WNT7A: variants seen among roughly 807,000 people sequenced by gnomAD.
The protein encoded by WNT7A is Wnt family member 7A.
Under a neutral mutation model 28.2 loss-of-function variants are expected in WNT7A, and 16 were observed. That is an observed-to-expected ratio of 0.57 (90% CI 0.38 to 0.86). The LOEUF (loss-of-function observed/expected upper bound fraction) is 0.86. Among genes scored for constraint, WNT7A ranks in the 40% least tolerant of loss-of-function variants. WNT7A has a pLI of 0.00. For missense variants in WNT7A, 411 were observed against 489.7 expected (o/e 0.84, Z 1.52); for synonymous variants, 190 against 195.9 (o/e 0.97, Z 0.25).
Position 13,853,745 on chromosome 3 carries a change from A to G in WNT7A, c.570+787T>C, listed in dbSNP as rs569336567. Among the ~76,000 whole-genome samples, 50 of 152,238 alleles carry G rather than the reference A, an allele frequency of 3.3e-4. No individual in the cohort carries two copies. The East Asian group carries it at 4.4e-3, about 14-fold the overall frequency. ...ACACACTCCCACGGGATCCATCCTGACCCTGACTTGCTGCGGGCCACGTGC... is the reference window on the plus strand; with the variant it reads ...ACACACTCCCACGGGATCCATCCTGGCCCTGACTTGCTGCGGGCCACGTGC... On this transcript the variant is annotated intron_variant, in intron 3 of 3. Coordinates refer to ENST00000285018, the MANE Select transcript of WNT7A (RefSeq NM_004625.4).
chr3:13,831,983 C>T (rs1575061526), intron 3 of WNT7A, among the ~76,000 whole-genome samples: 1 of 152,054 alleles, frequency 6.6e-6, no homozygotes, highest in African/African-American at 2.4e-5. Flanking sequence ...CAGCCTTGGA[C>T]CCCCAACCCC....
At chr3:13,829,432 G>A (rs776640618) in intron 3 of WNT7A, among the ~76,000 whole-genome samples, 1 of 152,190 alleles carries the variant, frequency 6.6e-6, no homozygotes, top group Non-Finnish European at 1.5e-5. Flanking sequence ...GGCTCTTTGC[G>A]GCCTGGCACC....
chr3:13,844,414 A>G (rs1209660133), intron 3 of WNT7A, among the ~76,000 whole-genome samples: 1 of 152,216 alleles, frequency 6.6e-6, no homozygotes, highest in Non-Finnish European at 1.5e-5. Flanking sequence ...GCCCATGCCC[A>G]GCTGGCTGGG....
intron 2 of WNT7A, among the ~76,000 whole-genome samples, chr3:13,870,690 G>A (rs1401628265): frequency 1.3e-5 from 2 of 152,246 alleles, no homozygotes; most frequent in African/African-American, 4.8e-5. Flanking sequence ...TCCAAGTGCT[G>A]CTAGAGAAAG....
chr3:13,857,619 C>A (rs762753743), intron 2 of WNT7A, among the ~76,000 whole-genome samples: 1 of 152,132 alleles, frequency 6.6e-6, no homozygotes, highest in Non-Finnish European at 1.5e-5. Flanking sequence ...GAAGACTCAC[C>A]CCCGGTCCAG....
intron 3 of WNT7A, among the ~76,000 whole-genome samples, chr3:13,843,891 T>C (rs1278116350): frequency 6.6e-6 from 1 of 151,988 alleles, no homozygotes; most frequent in Non-Finnish European, 1.5e-5. Context: ...GGATTACAGG[T>C]GCCCGCCACC....
chr3:13,830,332 G>A (rs1694261303), intron 3 of WNT7A, among the ~76,000 whole-genome samples: 1 of 152,144 alleles, frequency 6.6e-6, no homozygotes, highest in African/African-American at 2.4e-5. Context: ...AGAAAGCCAT[G>A]CCTGGGTCAG....
At chr3:13,856,898 A>AGAGGAG (rs1694743845) in intron 2 of WNT7A, among the ~76,000 whole-genome samples, 3 of 45,476 alleles carry the variant, frequency 6.6e-5, no homozygotes, top group African/African-American at 2.6e-4. Context: ...AAGAAAAAGA[A>AGAGGAG]GAAGAAGAAG....
At chr3:13,873,315 G>A (rs867540403) in intron 2 of WNT7A, among the ~76,000 whole-genome samples, 1 of 151,840 alleles carries the variant, frequency 6.6e-6, no homozygotes, top group South Asian at 2.1e-4. Flanking sequence ...TTCACCAGTG[G>A]CCCAAATGTC....
chr3:13,839,276 G>A lies in WNT7A; in HGVS notation c.570+15256C>T, dbSNP rs547166187. On this transcript the variant is annotated intron_variant, in intron 3 of 3. Coordinates refer to ENST00000285018, the MANE Select transcript of WNT7A (RefSeq NM_004625.4). ...TGCCCCAGACCCACACATGGAACCG[G>A]GAGCTGCATTTCCACACATTCCCCA... Among the ~76,000 whole-genome samples the A allele has an allele frequency of 3.3e-5, 5 of 152,274 alleles. No homozygotes were observed. In the South Asian group the frequency reaches 1.0e-3, roughly 32 times the overall value.
At chr3:13,843,128 T>G (rs1172412288) in intron 3 of WNT7A, among the ~76,000 whole-genome samples, 1 of 152,224 alleles carries the variant, frequency 6.6e-6, no homozygotes, top group Non-Finnish European at 1.5e-5. Flanking sequence ...CTCTTGAGTC[T>G]GCTAGCACAC....
At chr3:13,848,694 T>C (rs900181832) in intron 3 of WNT7A, among the ~76,000 whole-genome samples, 3 of 152,212 alleles carry the variant, frequency 2.0e-5, no homozygotes, top group Non-Finnish European at 4.4e-5. Flanking sequence ...CACTTTCTTA[T>C]AAAGCTAAAC....
In WNT7A at chr3:13,816,610, G is replaced by A. The variant is rs1266229749; in HGVS notation, c.*2334C>T. 1 of 152,228 alleles carries A rather than the reference G, an allele frequency of 6.6e-6. No individual in the cohort carries two copies. The highest frequency in any genetic ancestry group is 1.5e-5 in the Non-Finnish European group (1 of 68,046). 9.4% of individuals were successfully genotyped at this position (152,228 alleles called of 1,614,324 possible). A position where few individuals can be genotyped will look rare whatever the true frequency, so the allele number is the denominator to read the frequency against. Reference sequence around the variant, plus strand: ...TGGCAGATCTGCTAGGTTTTCCAAAGCAAAGATAAAATGTGACCTGTGGAC... The same window carrying A: ...TGGCAGATCTGCTAGGTTTTCCAAAACAAAGATAAAATGTGACCTGTGGAC... On this transcript the variant is annotated 3_prime_UTR_variant, in exon 4 of 4. Transcript: ENST00000285018.
intron 3 of WNT7A, among the ~76,000 whole-genome samples, chr3:13,826,513 G>A (rs1694198699): frequency 6.6e-6 from 1 of 152,154 alleles, no homozygotes; most frequent in African/African-American, 2.4e-5. Flanking sequence ...AGAGGGAGCA[G>A]GCTTAAGGAA....
intron 2 of WNT7A, among the ~76,000 whole-genome samples, chr3:13,855,638 G>A (rs562298475): frequency 3.9e-5 from 6 of 152,258 alleles, no homozygotes; most frequent in African/African-American, 1.2e-4. Flanking sequence ...CTGCCACCTC[G>A]CCTCTTAGCC....
intron 2 of WNT7A, among the ~76,000 whole-genome samples, chr3:13,867,264 G>C (rs1575073500): frequency 6.6e-6 from 1 of 152,144 alleles, no homozygotes; most frequent in South Asian, 2.1e-4. Context: ...GTGGGGCTGG[G>C]ATGCAAACCC....
At position 13,858,524 on chromosome 3, in the gene WNT7A, C is replaced by T. The variant is rs79756480; in HGVS notation, c.299-3721G>A. On this transcript the variant is annotated intron_variant, in intron 2 of 3. Coordinates refer to ENST00000285018, the MANE Select transcript of WNT7A (RefSeq NM_004625.4). The stretch of plus-strand genomic sequence containing the variant: ...TTCCACCCACTCACCATTTCCATCC[C>T]ACCCCTGAGGTGGGGAAGGGCAGCT... Among the ~76,000 whole-genome samples the T allele has an allele frequency of 3.2e-3, 484 of 152,250 alleles. 1 individual carries two copies. Among genetic ancestry groups the T allele is most frequent in the Non-Finnish European group, 5.0e-3 (340 of 67,994 alleles).
chr3:13,875,189 C>T lies in WNT7A; in HGVS notation c.72-16G>A, dbSNP rs747352730. 1.2e-6 allele frequency: 2 copies of T among 1,613,662 alleles called. No homozygotes were observed. Among genetic ancestry groups the T allele is most frequent in the Admixed American group, 3.3e-5 (2 of 60,010 alleles). ...GGAGAAGCCACTGGAGGGAGAGACA[C>T]AGAGAGATGGAGCATTAGGCCAGCA... is the stretch of plus-strand genomic sequence containing the variant. On this transcript the variant is annotated splice_polypyrimidine_tract_variant and intron_variant, in intron 1 of 3. Coordinates refer to ENST00000285018, the MANE Select transcript of WNT7A (RefSeq NM_004625.4).
chr3:13,833,884 C>A (rs1314534929), intron 3 of WNT7A, among the ~76,000 whole-genome samples: 1 of 152,248 alleles, frequency 6.6e-6, no homozygotes, highest in Non-Finnish European at 1.5e-5. Context: ...CCACCACACG[C>A]TAACTTAATC....
Sources: allele counts gnomAD v4.1 joint callset (sites outside exome capture counted in the v4.1 genomes callset), GRCh38; gene constraint gnomAD v4.1.1; transcripts MANE v1.5; gene names NCBI Gene and HGNC (gene_info 2026-07-23, HGNC 2026-07-21).